Variants in GRM8 observed in about 807,000 individuals in gnomAD.
GRM8 encodes glutamate metabotropic receptor 8.
GRM8 carries 47 observed loss-of-function variants against 87.2 expected under a neutral mutation model. That is an observed-to-expected ratio of 0.54 (90% CI 0.43 to 0.69). GRM8 has a LOEUF of 0.69. Among genes scored for constraint, GRM8 ranks in the 30% least tolerant of loss-of-function variants. GRM8 has a pLI of 0.00. For missense variants in GRM8, 1,019 were observed against 1,139.2 expected (o/e 0.89, Z 1.52); for synonymous variants, 396 against 404.5 (o/e 0.98, Z 0.25).
chr7:127,083,681 T>A (rs770001254), intron 3 of GRM8, among the ~76,000 whole-genome samples: 8 of 151,660 alleles, frequency 5.3e-5, no homozygotes, highest in Non-Finnish European at 1.2e-4. Context: ...TTCCTTGAAA[T>A]TGCCATTACC....
intron 6 of GRM8, among the ~76,000 whole-genome samples, chr7:126,836,944 C>T (rs1161351578): frequency 2.6e-5 from 4 of 152,070 alleles, no homozygotes; most frequent in African/African-American, 9.7e-5. Context: ...CATCCAATTT[C>T]TCTGAGCTTT....
intron 7 of GRM8, among the ~76,000 whole-genome samples, chr7:126,743,386 T>G (rs915772252): frequency 3.9e-5 from 6 of 152,136 alleles, no homozygotes; most frequent in Non-Finnish European, 8.8e-5. Context: ...TTTCAGTGGA[T>G]GTGCTATTAA....
intron 8 of GRM8, among the ~76,000 whole-genome samples, chr7:126,559,354 G>A (rs1372059099): frequency 6.6e-6 from 1 of 151,750 alleles, no homozygotes; most frequent in East Asian, 1.9e-4. Context: ...TGCATTTTTA[G>A]TAGAGACAGG....
intron 7 of GRM8, among the ~76,000 whole-genome samples, chr7:126,755,973 T>C (rs1563156169): frequency 6.6e-6 from 1 of 151,994 alleles, no homozygotes; most frequent in South Asian, 2.1e-4. Context: ...ACCTTATTAG[T>C]TTTTATTTAT....
chr7:126,467,327 T>C (rs144639377), intron 9 of GRM8, among the ~76,000 whole-genome samples: 1 of 152,132 alleles, frequency 6.6e-6, no homozygotes, highest in East Asian at 1.9e-4. Context: ...ATGAATGGCT[T>C]TAATTCTTTA....
At chr7:127,188,536 C>A (rs1029797420) in intron 2 of GRM8, among the ~76,000 whole-genome samples, 1 of 152,234 alleles carries the variant, frequency 6.6e-6, no homozygotes, top group South Asian at 2.1e-4. Flanking sequence ...TTGAAAAAAA[C>A]CATCTTCAAT....
chr7:126,920,867 G>C (rs1804454757), intron 3 of GRM8, among the ~76,000 whole-genome samples: 1 of 139,596 alleles, frequency 7.2e-6, no homozygotes, highest in African/African-American at 2.6e-5. Flanking sequence ...CAGAAAATTG[G>C]AAGAGTCTTC....
At chr7:126,925,795 T>TA (rs1363090467) in intron 3 of GRM8, among the ~76,000 whole-genome samples, 9 of 152,198 alleles carry the variant, frequency 5.9e-5, no homozygotes, top group Non-Finnish European at 8.8e-5. Context: ...CTTAGCTACC[T>TA]AATATCCCAC....
intron 9 of GRM8, among the ~76,000 whole-genome samples, chr7:126,447,973 T>G (rs762437659): frequency 9.2e-5 from 14 of 152,150 alleles, no homozygotes; most frequent in Non-Finnish European, 2.1e-4. Context: ...TGTGTACGTT[T>G]ACGGCTTATA....
At chr7:126,820,978 G>C (rs1794241850) in intron 6 of GRM8, among the ~76,000 whole-genome samples, 1 of 152,206 alleles carries the variant, frequency 6.6e-6, no homozygotes, top group African/African-American at 2.4e-5. Context: ...GCACACACCT[G>C]TAGTCCCAAC....
rs531961735 is a variant in GRM8, at chr7:127,101,022, G to C, written c.727+5474C>G. ...ATTCTTCTCCACAAAGCTATGTACT[G>C]GTACCTAAAGTTTACTGTGTTCATT... On this transcript the variant is annotated intron_variant, in intron 3 of 10. Coordinates refer to ENST00000339582, the MANE Select transcript of GRM8 (RefSeq NM_000845.3). Among the ~76,000 whole-genome samples, 10 of 152,162 alleles carry C rather than the reference G, an allele frequency of 6.6e-5. No homozygotes were observed. In the East Asian group the frequency reaches 1.9e-3, roughly 29 times the overall value.
chr7:126,930,825 T>A (rs1339984198), intron 3 of GRM8, among the ~76,000 whole-genome samples: 1 of 152,244 alleles, frequency 6.6e-6, no homozygotes, highest in East Asian at 1.9e-4. Flanking sequence ...AGGTGTATTT[T>A]GTATTCATAA....
intron 1 of GRM8, among the ~76,000 whole-genome samples, chr7:127,244,734 G>A (rs17865066): frequency 0.024 from 3,623 of 152,140 alleles, 59 homozygotes; most frequent in Non-Finnish European, 0.031. Context: ...TTCTTGCCCC[G>A]AAAGGAAAGA....
At chr7:126,889,029 C>G (rs1361461217) in intron 6 of GRM8, among the ~76,000 whole-genome samples, 1 of 152,036 alleles carries the variant, frequency 6.6e-6, no homozygotes, top group Non-Finnish European at 1.5e-5. Context: ...TATCCTATGT[C>G]GGCCCACCGT....
At chr7:126,656,585 TTGAACC>T (rs1265880259) in intron 7 of GRM8, among the ~76,000 whole-genome samples, 1 of 152,026 alleles carries the variant, frequency 6.6e-6, no homozygotes, top group Non-Finnish European at 1.5e-5. Flanking sequence ...GGAGAATCGC[TTGAACC>T]TGGGAGGCGG....
At chr7:127,142,680 T>C (rs1032475878) in intron 2 of GRM8, among the ~76,000 whole-genome samples, 2 of 152,118 alleles carry the variant, frequency 1.3e-5, no homozygotes, top group African/African-American at 4.8e-5. Context: ...GATAGATGCA[T>C]GGATAGATGG....
chr7:127,015,846 G>T (rs938425738), intron 3 of GRM8, among the ~76,000 whole-genome samples: 1 of 152,064 alleles, frequency 6.6e-6, no homozygotes, highest in African/African-American at 2.4e-5. Context: ...AGCTGAAAGA[G>T]GAAGAACTTA....
chr7:126,898,120 C>G (rs573149072), intron 6 of GRM8, among the ~76,000 whole-genome samples: 60 of 152,210 alleles, frequency 3.9e-4, no homozygotes, highest in African/African-American at 1.4e-3. Context: ...TCTGAATGAA[C>G]AAAAAGGGCC....
chr7:127,079,484 ATTTCC>A (rs1822630430), intron 3 of GRM8, among the ~76,000 whole-genome samples: 1 of 152,252 alleles, frequency 6.6e-6, no homozygotes, highest in African/African-American at 2.4e-5. Context: ...ATATTTCATC[ATTTCC>A]TTTATTTAAA....
Sources: allele counts gnomAD v4.1 joint callset (sites outside exome capture counted in the v4.1 genomes callset), GRCh38; gene constraint gnomAD v4.1.1; transcripts MANE v1.5; gene names NCBI Gene and HGNC (gene_info 2026-07-23, HGNC 2026-07-21).